Variants in P4HB observed in about 807,000 individuals in gnomAD.
The protein encoded by P4HB is prolyl 4-hydroxylase subunit beta, also known as protein disulfide-isomerase.
A neutral mutation model predicts 52.6 loss-of-function variants in P4HB; 20 were observed. That is an observed-to-expected ratio of 0.38 (90% CI 0.27 to 0.55). P4HB has a LOEUF of 0.55. Ranked by LOEUF, P4HB falls within the 20% of genes least tolerant of loss-of-function variation. P4HB has a pLI of 0.74. For synonymous variants in P4HB, 296 were observed against 277.9 expected, an observed-to-expected ratio of 1.07 and a Z score of -0.65; for missense variants, 601 against 669.2, an observed-to-expected ratio of 0.90 and a Z score of 1.12.
In P4HB at chr17:81,845,970, G is replaced by C. The variant is rs1598263530; in HGVS notation, c.1078C>G (p.Leu360Val). ...GGCTGCTTGTCCCAGTCCTCCGGCA[G>C]CTCCTGGCTCATCAGGTGGGGCTGG... Reference protein sequence around the residue: ...KIKPHLMSQELPEDWDKQPVK... With the variant: ...KIKPHLMSQEVPEDWDKQPVK... Residue 360 changes from leucine to valine, a missense_variant, in exon 8 of 11, where the codon CTG (leucine) becomes GTG (valine). Coordinates refer to ENST00000331483, the MANE Select transcript of P4HB (RefSeq NM_000918.4). The C allele has an allele frequency of 6.2e-7, 1 of 1,611,158 alleles. No individual in the cohort carries two copies. Among genetic ancestry groups the C allele is most frequent in the Middle Eastern group, 1.7e-4 (1 of 6,042 alleles).
chr17:81,860,341 A>C lies in P4HB; in HGVS notation c.131T>G (p.Leu44Arg). The C allele has an allele frequency of 6.8e-7, 1 of 1,471,826 alleles. No individual in the cohort carries two copies. Among genetic ancestry groups the C allele is most frequent in the Non-Finnish European group, 9.0e-7 (1 of 1,110,482 alleles). The allele number at this position is 1,471,826 out of a possible 1,614,324, so 91.2% of individuals were successfully genotyped here. ...FAEALAAHKY[L>R]LVEFYAPWCG... ...CCGGCGCTCACAGAACTCCACCAGC[A>C]GGTACTTGTGGGCCGCCAGCGCCTC... is the stretch of plus-strand genomic sequence containing the variant. Residue 44 changes from leucine (L) to arginine (R), a missense_variant, in exon 1 of 11, where the codon CTG becomes CGG. By Grantham distance (102) the Leu-to-Arg change is moderately radical. Coordinates refer to ENST00000331483, the MANE Select transcript of P4HB (RefSeq NM_000918.4).
rs2038751909 is a variant in P4HB, at chr17:81,847,297, C to T, written c.675G>A (p.Leu225=). Residue 225 remains leucine (L), a synonymous_variant, in exon 5 of 11, where the codon CTG becomes CTA. Coordinates refer to ENST00000331483, the MANE Select transcript of P4HB (RefSeq NM_000918.4). Reference sequence around the variant, plus strand: ...GCTGGTTGTGTTTGATAAAGTCCAGCAGGTTCTCCTTGGTGACCTCCCCTT... The same window carrying T: ...GCTGGTTGTGTTTGATAAAGTCCAGTAGGTTCTCCTTGGTGACCTCCCCTT... ...NFEGEVTKEN[L]LDFIKHNQLP... is the part of the protein sequence containing the mutation. The T allele has an allele frequency of 5.6e-6, 9 of 1,614,086 alleles. No individual in the cohort carries two copies. Among genetic ancestry groups the T allele is most frequent in the Non-Finnish European group, 7.6e-6 (9 of 1,180,048 alleles).
In P4HB at chr17:81,855,262, A is replaced by G. The variant is rs768654632; in HGVS notation, c.504T>C (p.Ser168=). ...CTGCTGCCTGCAAAAACTGCTTGGC[A>G]GAGTCCGACTCCACGTCCTGAATGA... ...IGFFKDVESD[S]AKQFLQAAEA... Residue 168 remains serine, a synonymous_variant, in exon 4 of 11, where the codon TCT becomes TCC. Coordinates refer to ENST00000331483, the MANE Select transcript of P4HB (RefSeq NM_000918.4). The surrounding 1 kb of genome is among the most constrained non-coding windows in gnomAD (Gnocchi z 4.3). 2.5e-6 allele frequency: 4 copies of G among 1,613,854 alleles called. No homozygotes were observed. The highest frequency in any genetic ancestry group is 3.4e-6 in the Non-Finnish European group (4 of 1,180,008).
At chr17:81,858,215 T>A (rs1436732873) in intron 2 of P4HB, among the ~76,000 whole-genome samples, 1 of 125,414 alleles carries the variant, frequency 8.0e-6, no homozygotes, top group Admixed American at 1.1e-4. Flanking sequence ...GAGGTTGCAG[T>A]GAGCAGAGAT....
Position 81,860,464 on chromosome 17 carries a change from C to A in P4HB, c.8G>T (p.Arg3Leu). 2.3e-6 allele frequency: 3 copies of A among 1,331,152 alleles called. No homozygotes were observed. Among genetic ancestry groups the A allele is most frequent in the East Asian group, 3.1e-5 (1 of 32,068 alleles). The allele number at this position is 1,331,152 out of a possible 1,614,324, so 82.5% of individuals were successfully genotyped here. Residue 3 changes from arginine to leucine, a missense_variant, in exon 1 of 11, where the codon CGC (arginine) becomes CTC (leucine). Physicochemically the swap from Arg to Leu is moderately radical, Grantham distance 102. Coordinates refer to ENST00000331483, the MANE Select transcript of P4HB (RefSeq NM_000918.4). ...CACGGCCAGGCACAGCAGAGCGCGG[C>A]GCAGCATGTCGGACACGGATCAGGC... MLRRALLCLAVAA... is the reference protein window; with the variant it reads MLLRALLCLAVAA...
intron 4 of P4HB, among the ~76,000 whole-genome samples, chr17:81,853,755 C>T (rs1305824499): frequency 1.3e-5 from 2 of 152,110 alleles, no homozygotes; most frequent in African/African-American, 4.8e-5. Context: ...CCCCCGGCCG[C>T]CCTCCTGCCC....
In P4HB at chr17:81,847,081, T is replaced by C. The variant is rs2038746837; in HGVS notation, c.730-9A>G. The C allele has an allele frequency of 1.9e-6, 3 of 1,613,992 alleles. No individual in the cohort carries two copies. Among genetic ancestry groups the C allele is most frequent in the Non-Finnish European group, 2.5e-6 (3 of 1,179,988 alleles). On this transcript the variant is annotated splice_polypyrimidine_tract_variant and intron_variant, in intron 5 of 10. Coordinates refer to ENST00000331483, the MANE Select transcript of P4HB (RefSeq NM_000918.4). ...AAAATCTTCGGGGCTGTCTGTGTTA[T>C]AAACTTAAGTTACTGGGTCTGAGTC...
At position 81,859,929 on chromosome 17, in the gene P4HB, G is replaced by A. The variant is rs752445712; in HGVS notation, c.145+398C>T. ...TCCTTATGGACGTGAGGAAGGCTTGGGATTCTCCTCTGAGACACCATCGGA... is the reference window on the plus strand; with the variant it reads ...TCCTTATGGACGTGAGGAAGGCTTGAGATTCTCCTCTGAGACACCATCGGA... On this transcript the variant is annotated intron_variant, in intron 1 of 10. Coordinates refer to ENST00000331483, the MANE Select transcript of P4HB (RefSeq NM_000918.4). 3.3e-4 allele frequency: 62 copies of A among 186,462 alleles called. No individual in the cohort carries two copies. The Middle Eastern group carries it at 0.01, about 31-fold the overall frequency. 11.6% of individuals were successfully genotyped at this position (186,462 alleles called of 1,614,324 possible). A position where few individuals can be genotyped will look rare whatever the true frequency, so the allele number is the denominator to read the frequency against.
At chr17:81,857,211 C>T (rs537759617) in intron 2 of P4HB, among the ~76,000 whole-genome samples, 6 of 152,220 alleles carry the variant, frequency 3.9e-5, no homozygotes, top group African/African-American at 1.4e-4. Context: ...TGCGGTGGCA[C>T]GATCTCAGCT....
At chr17:81,853,808 T>C (rs1299809060) in intron 4 of P4HB, among the ~76,000 whole-genome samples, 1 of 152,026 alleles carries the variant, frequency 6.6e-6, no homozygotes, top group Admixed American at 6.6e-5. Context: ...TTCTCTCCTA[T>C]CCACACTACC....
intron 2 of P4HB, among the ~76,000 whole-genome samples, chr17:81,858,533 C>T (rs1270965431): frequency 2.0e-5 from 3 of 152,106 alleles, no homozygotes; most frequent in Admixed American, 1.3e-4. Context: ...GTTTTATAGA[C>T]GAGTTTTCTT....
intron 4 of P4HB, among the ~76,000 whole-genome samples, chr17:81,849,448 A>G (rs2038793686): frequency 1.3e-5 from 2 of 152,228 alleles, no homozygotes; most frequent in South Asian, 4.1e-4. Context: ...GTGAGCCCAG[A>G]TCGTGCCACT....
chr17:81,850,461 TATTTA>T (rs998750024), intron 4 of P4HB, among the ~76,000 whole-genome samples: 1 of 151,560 alleles, frequency 6.6e-6, no homozygotes, highest in Non-Finnish European at 1.5e-5. Flanking sequence ...AATACTTATT[TATTTA>T]ATTTATTTTA....
chr17:81,860,508 C>T lies in P4HB; in HGVS notation c.-37G>A, dbSNP rs1257071692. On this transcript the variant is annotated 5_prime_UTR_variant, in exon 1 of 11. Coordinates refer to ENST00000331483, the MANE Select transcript of P4HB (RefSeq NM_000918.4). ...ATCAGGCGGGGCGCTTCGGTTGGCG[C>T]CGCCGGGACAGCGGGGGCGACGAGA... 2 of 1,240,534 alleles carry T rather than the reference C, an allele frequency of 1.6e-6. No individual in the cohort carries two copies. The highest frequency in any genetic ancestry group is 4.3e-5 in the Admixed American group (1 of 23,456). 76.8% of individuals were successfully genotyped at this position (1,240,534 alleles called of 1,614,324 possible).
chr17:81,853,745 C>A lies in P4HB; in HGVS notation c.624+1397G>T, dbSNP rs1041694840. ...AGGACAGGAGCTGAAGGTCCGATCG[C>A]CCCCGGCCGCCCTCCTGCCCCTCAC... On this transcript the variant is annotated intron_variant, in intron 4 of 10. Coordinates refer to ENST00000331483, the MANE Select transcript of P4HB (RefSeq NM_000918.4). 2.0e-5 allele frequency among the ~76,000 whole-genome samples: 3 copies of A among 152,084 alleles called. No individual in the cohort carries two copies. The East Asian group carries it at 5.8e-4, about 29-fold the overall frequency.
intron 4 of P4HB, among the ~76,000 whole-genome samples, chr17:81,852,280 G>A (rs765146329): frequency 3.3e-5 from 5 of 152,174 alleles, no homozygotes; most frequent in Non-Finnish European, 7.3e-5. Context: ...AGCAGCCCCC[G>A]CAGAGGTTTT....
intron 10 of P4HB, among the ~76,000 whole-genome samples, chr17:81,844,472 G>A (rs2038702435): frequency 6.6e-6 from 1 of 152,188 alleles, no homozygotes; most frequent in Non-Finnish European, 1.5e-5. Context: ...TCCAGGCACA[G>A]TCACCACTGG....
In P4HB at chr17:81,843,509, T is replaced by G; in HGVS notation, c.*503A>C. ...TTACCCAAAAATGCAAGAGCCATGA[T>G]CAGTCATGGCGACACTGCAGGCGGT... On this transcript the variant is annotated 3_prime_UTR_variant, in exon 11 of 11. Coordinates refer to ENST00000331483, the MANE Select transcript of P4HB (RefSeq NM_000918.4). 2.5e-6 allele frequency: 1 copy of G among 400,996 alleles called. No homozygotes were observed. The highest frequency in any genetic ancestry group is 3.6e-5 in the East Asian group (1 of 28,106). 24.8% of individuals were successfully genotyped at this position (400,996 alleles called of 1,614,324 possible).
At chr17:81,854,574 C>T (rs1467482937) in intron 4 of P4HB, among the ~76,000 whole-genome samples, 2 of 150,880 alleles carry the variant, frequency 1.3e-5, no homozygotes, top group Admixed American at 6.6e-5. Context: ...GGGCCAGGCG[C>T]GGTGGCTCAC....
Sources: allele counts gnomAD v4.1 joint callset (sites outside exome capture counted in the v4.1 genomes callset), GRCh38; gene constraint gnomAD v4.1.1; non-coding constraint Gnocchi (gnomAD v3.1); transcripts MANE v1.5; gene names NCBI Gene and HGNC (gene_info 2026-07-23, HGNC 2026-07-21).